The following THSD7A variants were observed in gnomAD, a reference collection of about 807,000 sequenced individuals.
The protein encoded by THSD7A is thrombospondin type-1 domain-containing protein 7A.
Under a neutral mutation model 231.3 loss-of-function variants are expected in THSD7A, and 96 were observed. The observed-to-expected ratio is 0.41, with a 90% CI of 0.35 to 0.49. The LOEUF (loss-of-function observed/expected upper bound fraction) is 0.49. Among genes scored for constraint, THSD7A ranks in the 20% least tolerant of loss-of-function variants. The pLI, the probability that THSD7A is intolerant of heterozygous loss-of-function variation, is 0.05. For synonymous variants in THSD7A, 940 were observed against 743.3 expected (o/e 1.26, Z -4.30); for missense variants, 2,290 against 2,070.2 (o/e 1.11, Z -2.06).
chr7:11,501,184 A>C (rs1241886676), intron 6 of THSD7A, among the ~76,000 whole-genome samples: 1 of 152,154 alleles, frequency 6.6e-6, no homozygotes. Flanking sequence ...TAATAGTGGG[A>C]GACTTCAACA....
chr7:11,582,535 C>A (rs138995378), intron 4 of THSD7A, among the ~76,000 whole-genome samples: 1 of 152,208 alleles, frequency 6.6e-6, no homozygotes, highest in African/African-American at 2.4e-5. Flanking sequence ...CTTTTCTCAT[C>A]TTTAATCAAT....
At chr7:11,425,798 A>G (rs954610327) in intron 15 of THSD7A, among the ~76,000 whole-genome samples, 2 of 152,010 alleles carry the variant, frequency 1.3e-5, no homozygotes, top group Non-Finnish European at 2.9e-5. Context: ...AGAGAGAGAG[A>G]AAGGGAAGAG....
chr7:11,735,218 A>G (rs998062877), intron 1 of THSD7A, among the ~76,000 whole-genome samples: 2 of 151,906 alleles, frequency 1.3e-5, no homozygotes, highest in Non-Finnish European at 2.9e-5. Context: ...TTAAGAATAT[A>G]TTAGTTGGTG....
At chr7:11,392,410 C>T (rs1783017290) in intron 23 of THSD7A, among the ~76,000 whole-genome samples, 1 of 152,156 alleles carries the variant, frequency 6.6e-6, no homozygotes, top group African/African-American at 2.4e-5. Context: ...CCCTCGGGTG[C>T]CTACACCACC....
At chr7:11,516,539 A>C (rs1788037332) in intron 6 of THSD7A, among the ~76,000 whole-genome samples, 1 of 152,212 alleles carries the variant, frequency 6.6e-6, no homozygotes, top group African/African-American at 2.4e-5. Context: ...CTGTGTGCAG[A>C]GATGACCTTG....
At chr7:11,657,658 A>G (rs190577416) in intron 1 of THSD7A, among the ~76,000 whole-genome samples, 37 of 151,958 alleles carry the variant, frequency 2.4e-4, no homozygotes, top group Non-Finnish European at 4.9e-4. Flanking sequence ...TTCACCAAGT[A>G]TTTAACATAT....
At chr7:11,534,800 A>G (rs1285151424) in intron 6 of THSD7A, among the ~76,000 whole-genome samples, 13 of 152,178 alleles carry the variant, frequency 8.5e-5, no homozygotes, top group Non-Finnish European at 1.0e-4. Context: ...GGGTTTAATA[A>G]CTAAACTCCT....
At chr7:11,827,513 G>A (rs1308781011) in intron 1 of THSD7A, among the ~76,000 whole-genome samples, 1 of 151,906 alleles carries the variant, frequency 6.6e-6, no homozygotes, top group Admixed American at 6.6e-5. Context: ...AGTGTATCTT[G>A]TCATTTGCCT....
At chr7:11,390,863 G>C (rs1257253143) in intron 23 of THSD7A, among the ~76,000 whole-genome samples, 1 of 152,146 alleles carries the variant, frequency 6.6e-6, no homozygotes, top group Non-Finnish European at 1.5e-5. Flanking sequence ...TCTGCTGCAG[G>C]TCTGCTGGAG....
At chr7:11,469,846 G>A in intron 9 of THSD7A, 33 bp downstream of exon 9, 3 of 1,482,522 alleles carry the variant, frequency 2.0e-6, no homozygotes, top group Non-Finnish European at 2.8e-6. Flanking sequence ...AGGTTTTCTA[G>A]GTGAACAGCC....
intron 1 of THSD7A, among the ~76,000 whole-genome samples, chr7:11,828,808 CAT>C (rs1439057071): frequency 6.6e-6 from 1 of 152,040 alleles, no homozygotes; most frequent in African/African-American, 2.4e-5. Context: ...TGTATACACA[CAT>C]GTGTACAGTT....
At chr7:11,757,161 A>G (rs1471201571) in intron 1 of THSD7A, among the ~76,000 whole-genome samples, 2 of 152,084 alleles carry the variant, frequency 1.3e-5, no homozygotes, top group African/African-American at 4.8e-5. Context: ...CTGTTTCACA[A>G]AAGTACTGAA....
chr7:11,627,162 T>C (rs1390131567), intron 2 of THSD7A, among the ~76,000 whole-genome samples: 1 of 152,134 alleles, frequency 6.6e-6, no homozygotes, highest in Non-Finnish European at 1.5e-5. Context: ...GATGGGTTGA[T>C]AGGTGCAGCA....
At chr7:11,482,570 G>A (rs1786474899) in intron 6 of THSD7A, among the ~76,000 whole-genome samples, 1 of 152,180 alleles carries the variant, frequency 6.6e-6, no homozygotes, top group African/African-American at 2.4e-5. Flanking sequence ...TGCTTAAGGT[G>A]ATCCCAGTTG....
At chr7:11,618,602 C>A (rs972514724) in intron 2 of THSD7A, among the ~76,000 whole-genome samples, 2 of 151,892 alleles carry the variant, frequency 1.3e-5, no homozygotes, top group African/African-American at 2.4e-5. Context: ...GAGACCAAGA[C>A]ACTGGCTAAC....
Position 11,406,887 on chromosome 7 carries a change from G to A in THSD7A, c.4062+23C>T, listed in dbSNP as rs1188338692. ...TCTGCAGATAGAGTACACACTTCCT[G>A]ACAACTTCTTGAGATTTGATACCTG... On this transcript the variant is annotated intron_variant, in intron 21 of 27. Coordinates refer to ENST00000423059, the MANE Select transcript of THSD7A (RefSeq NM_015204.3). This position sits in a 1 kb window ranked among gnomAD's most constrained non-coding sequence, Gnocchi z 4.7. 6.2e-6 allele frequency: 10 copies of A among 1,613,160 alleles called. No homozygotes were observed. In the South Asian group the frequency reaches 9.9e-5, roughly 16 times the overall value.
chr7:11,689,764 A>G (rs922427492), intron 1 of THSD7A, among the ~76,000 whole-genome samples: 1 of 149,256 alleles, frequency 6.7e-6, no homozygotes, highest in Non-Finnish European at 1.5e-5. Flanking sequence ...CTTTTTATGT[A>G]TGGTGCCTAC....
At chr7:11,702,363 T>C (rs1218338052) in intron 1 of THSD7A, among the ~76,000 whole-genome samples, 1 of 151,242 alleles carries the variant, frequency 6.6e-6, no homozygotes, top group African/African-American at 2.4e-5. Context: ...TGTTACAGCA[T>C]GACTGTGGTT....
chr7:11,673,973 C>G (rs1329534250), intron 1 of THSD7A, among the ~76,000 whole-genome samples: 2 of 151,968 alleles, frequency 1.3e-5, no homozygotes, highest in African/African-American at 4.8e-5. Flanking sequence ...ACTGCCCTGT[C>G]CAGGGATCTT....
Sources: gnomAD v4.1 joint callset for allele counts (sites outside exome capture counted in the v4.1 genomes callset) on GRCh38, gnomAD v4.1.1 for gene constraint, Gnocchi (gnomAD v3.1) non-coding constraint, MANE v1.5 for transcripts, NCBI Gene and HGNC (gene_info 2026-07-23, HGNC 2026-07-21) for gene names.